Variants in JAKMIP1 observed in about 807,000 individuals in gnomAD.
JAKMIP1 encodes the protein janus kinase and microtubule-interacting protein 1.
JAKMIP1 carries 33 observed loss-of-function variants against 113.0 expected under a neutral mutation model. The ratio of observed to expected loss-of-function variants is 0.29; its 90% CI spans 0.22 to 0.39. The LOEUF (loss-of-function observed/expected upper bound fraction) is 0.39. Among genes scored for constraint, JAKMIP1 ranks in the 10% least tolerant of loss-of-function variants. JAKMIP1 has a pLI of 1.00. For missense variants in JAKMIP1, 813 were observed against 1,080.5 expected (o/e 0.75, Z 3.47); for synonymous variants, 480 against 459.9 (o/e 1.04, Z -0.56).
intron 8 of JAKMIP1, among the ~76,000 whole-genome samples, chr4:6,072,852 G>T (rs1719164271): frequency 1.3e-5 from 2 of 152,228 alleles, no homozygotes; most frequent in South Asian, 4.2e-4. Flanking sequence ...GCCGAGGCAG[G>T]CAGGTCACTT....
In JAKMIP1 at chr4:6,081,696, C is replaced by A; in HGVS notation, c.1014G>T (p.Arg338=). ...QLKPLVEKNK[R]MNKKNEDLLQ... ...ACAGATCCTCATTCTTCTTGTTCAT[C>A]CGCTTGTTCTTCTCCACCAGGGGCT... The change falls in exon 6 of 21, where the codon CGG becomes CGT. Residue 338 remains arginine, a synonymous_variant. Transcript: ENST00000409021. This position sits in a 1 kb window ranked among gnomAD's most constrained non-coding sequence, Gnocchi z 4.6. The A allele has an allele frequency of 1.9e-6, 3 of 1,614,178 alleles. No individual in the cohort carries two copies. The highest frequency in any genetic ancestry group is 2.5e-6 in the Non-Finnish European group (3 of 1,180,034).
intron 3 of JAKMIP1, among the ~76,000 whole-genome samples, chr4:6,091,292 G>A (rs1420322526): frequency 6.6e-6 from 1 of 152,224 alleles, no homozygotes; most frequent in Non-Finnish European, 1.5e-5. Context: ...CGGAGCCTTT[G>A]TGATACTGGA....
chr4:6,136,614 C>T lies in JAKMIP1; in HGVS notation c.-147-23617G>A, dbSNP rs190401808. Among the ~76,000 whole-genome samples, 19 of 152,248 alleles carry T rather than the reference C, an allele frequency of 1.2e-4. No individual in the cohort carries two copies. Among genetic ancestry groups the T allele is most frequent in the Admixed American group, 1.2e-3 (19 of 15,294 alleles). Reference sequence around the variant, plus strand: ...TGGCTCGTGTCACCTGCACCTTGCTCGACTATCCTTTTCTTGCCTACTTTT... The same window carrying T: ...TGGCTCGTGTCACCTGCACCTTGCTTGACTATCCTTTTCTTGCCTACTTTT... On this transcript the variant is annotated intron_variant, in intron 1 of 20. Coordinates refer to ENST00000409021, the MANE Select transcript of JAKMIP1 (RefSeq NM_001099433.2). The surrounding 1 kb of genome is among the most constrained non-coding windows in gnomAD (Gnocchi z 5.9).
intron 16 of JAKMIP1, 97 bp downstream of exon 16, chr4:6,048,760 A>T: frequency 9.9e-7 from 1 of 1,006,284 alleles, no homozygotes; most frequent in Non-Finnish European, 1.6e-6. Flanking sequence ...ACTGGAACGC[A>T]TGCTCCCACG....
intron 16 of JAKMIP1, among the ~76,000 whole-genome samples, chr4:6,045,932 G>A (rs1012789269): frequency 3.9e-5 from 6 of 152,134 alleles, no homozygotes; most frequent in Non-Finnish European, 5.9e-5. Context: ...TCGGATACCC[G>A]TATGGAATGA....
At chr4:6,033,377 G>C (rs927197895) in intron 19 of JAKMIP1, among the ~76,000 whole-genome samples, 1 of 152,222 alleles carries the variant, frequency 6.6e-6, no homozygotes, top group East Asian at 1.9e-4. Flanking sequence ...AGTGTCGCCC[G>C]TGTTGAATAC....
At chr4:6,075,593 G>A (rs1198371081) in intron 8 of JAKMIP1, among the ~76,000 whole-genome samples, 1 of 152,172 alleles carries the variant, frequency 6.6e-6, no homozygotes, top group Non-Finnish European at 1.5e-5. Flanking sequence ...CCCAAATTCG[G>A]CCTCCTAATG....
intron 1 of JAKMIP1, among the ~76,000 whole-genome samples, chr4:6,149,089 G>C (rs921514598): frequency 6.6e-6 from 1 of 152,210 alleles, no homozygotes; most frequent in Admixed American, 6.5e-5. Flanking sequence ...GGCCGGGTTT[G>C]CACTGACTTC....
Position 6,037,932 on chromosome 4 carries a change from A to T in JAKMIP1, c.2176-1825T>A, listed in dbSNP as rs867651198. 4.9e-4 allele frequency among the ~76,000 whole-genome samples: 60 copies of T among 121,818 alleles called. 1 individual carries two copies. Among genetic ancestry groups the T allele is most frequent in the African/African-American group, 2.0e-3 (58 of 28,766 alleles). The allele number at this position is 121,818 out of a possible 152,430, so 79.9% of individuals were successfully genotyped here. On this transcript the variant is annotated intron_variant, in intron 18 of 20. Transcript: ENST00000409021. ...AGAGGCTAACCGGTATCCCTCCATC[A>T]CTGAGTCAGAGGTTAACCCAGTAGC...
Position 6,036,073 on chromosome 4 carries a change from G to T in JAKMIP1, c.2210C>A (p.Ala737Glu). The part of the protein sequence containing the change: ...IQDLEATLYT[A>E]LQQEPGRRAG... ...CCTCCGCCCCGGCTCCTGCTGCAGCGCTGTGTACAGTGTGGCCTCCAGGTC... is the reference window on the plus strand; with the variant it reads ...CCTCCGCCCCGGCTCCTGCTGCAGCTCTGTGTACAGTGTGGCCTCCAGGTC... Residue 737 changes from alanine (A) to glutamate (E), a missense_variant, in exon 19 of 21, where the codon GCG (alanine) becomes GAG (glutamate). Ala to Glu is a moderately radical substitution (Grantham distance 107, BLOSUM62 -1). This residue lies in a region of JAKMIP1 where 273 missense variants were observed against 426.6 expected (regional missense o/e 0.64). Transcript: ENST00000409021. 1.3e-6 allele frequency: 2 copies of T among 1,558,522 alleles called. No individual in the cohort carries two copies. Among genetic ancestry groups the T allele is most frequent in the Non-Finnish European group, 1.7e-6 (2 of 1,150,832 alleles).
chr4:6,189,214 C>G (rs1435763469), intron 1 of JAKMIP1, among the ~76,000 whole-genome samples: 1 of 152,348 alleles, frequency 6.6e-6, no homozygotes, highest in East Asian at 1.9e-4. Flanking sequence ...GAACAGCATT[C>G]TAACATTTTT....
chr4:6,070,039 C>G (rs1382949658), intron 8 of JAKMIP1: 3 of 398,574 alleles, frequency 7.5e-6, no homozygotes, highest in African/African-American at 6.2e-5. Context: ...AACGCAAAAC[C>G]CCGAACCAGC....
In JAKMIP1 at chr4:6,029,774, C is replaced by T. The variant is rs373843338; in HGVS notation, c.2387G>A (p.Arg796Gln). Residue 796 changes from arginine to glutamine, a missense_variant, in exon 20 of 21, where the codon CGA (arginine) becomes CAA (glutamine). By Grantham distance (43) the Arg-to-Gln change is conservative. This residue lies in a region of JAKMIP1 where 273 missense variants were observed against 426.6 expected (regional missense o/e 0.64). Coordinates refer to ENST00000409021, the MANE Select transcript of JAKMIP1 (RefSeq NM_001099433.2). Reference sequence around the variant, plus strand: ...AAACTCCAGTTTGTCCTCCAGTTCTCGGATTCTCTGAAATACACCAGGTTA... The same window carrying T: ...AAACTCCAGTTTGTCCTCCAGTTCTTGGATTCTCTGAAATACACCAGGTTA... Reference protein sequence around the residue: ...ELLQQAQQRIRELEDKLEFQK... With the variant: ...ELLQQAQQRIQELEDKLEFQK... The T allele has an allele frequency of 4.6e-5, 74 of 1,602,356 alleles. No homozygotes were observed. The highest frequency in any genetic ancestry group is 1.7e-4 in the Middle Eastern group (1 of 6,046).
At chr4:6,026,865 CATTTTTT>C (rs760892766) in intron 20 of JAKMIP1, among the ~76,000 whole-genome samples, 5 of 87,962 alleles carry the variant, frequency 5.7e-5, no homozygotes, top group African/African-American at 4.8e-5. Flanking sequence ...AATTTCTTTG[CATTTTTT>C]TTTTTTTTTT....
In JAKMIP1 at chr4:6,103,750, T is replaced by C. The variant is rs145899503; in HGVS notation, c.624+1723A>G. 2.7e-3 allele frequency among the ~76,000 whole-genome samples: 406 copies of C among 152,364 alleles called. 2 individuals carry two copies. The highest frequency in any genetic ancestry group is 0.017 in the Middle Eastern group (5 of 294). On this transcript the variant is annotated intron_variant, in intron 3 of 20. Coordinates refer to ENST00000409021, the MANE Select transcript of JAKMIP1 (RefSeq NM_001099433.2). ...TGGTACATTGTGCTTATTCAAGGAA[T>C]ATGTTCATTTTATCGAGGTTTCAAG...
chr4:6,151,731 G>A (rs1721592048), intron 1 of JAKMIP1, among the ~76,000 whole-genome samples: 1 of 152,190 alleles, frequency 6.6e-6, no homozygotes, highest in African/African-American at 2.4e-5. Context: ...AGCCATTGAA[G>A]CTGGACGGCA....
rs1717791414 is a variant in JAKMIP1 at position 6,064,640 on chromosome 4, T to G, written c.1431+240A>C. Among the ~76,000 whole-genome samples, 1 of 151,978 alleles carries G rather than the reference T, an allele frequency of 6.6e-6. No individual in the cohort carries two copies. The highest frequency in any genetic ancestry group is 6.5e-5 in the Admixed American group (1 of 15,280). On this transcript the variant is annotated intron_variant, in intron 9 of 20. Transcript: ENST00000409021. This position sits in a 1 kb window ranked among gnomAD's most constrained non-coding sequence, Gnocchi z 4.3. ...GCCACAGATTTCCTTGGTGGGGAAA[T>G]CAGTGCTGGGGAAAGAAAGGGTCCC...
At chr4:6,083,128 C>A (rs570059844) in intron 5 of JAKMIP1, among the ~76,000 whole-genome samples, 1 of 152,010 alleles carries the variant, frequency 6.6e-6, no homozygotes, top group East Asian at 1.9e-4. Flanking sequence ...TGAGGCCAGG[C>A]GCGGTGGCTC....
At position 6,187,635 on chromosome 4, in the gene JAKMIP1, A is replaced by G. The variant is rs1035198698; in HGVS notation, c.-148+12618T>C. Among the ~76,000 whole-genome samples, 3 of 152,276 alleles carry G rather than the reference A, an allele frequency of 2.0e-5. No homozygotes were observed. The highest frequency in any genetic ancestry group is 4.4e-5 in the Non-Finnish European group (3 of 68,042). On this transcript the variant is annotated intron_variant, in intron 1 of 20. Transcript: ENST00000409021. The surrounding 1 kb of genome is among the most constrained non-coding windows in gnomAD (Gnocchi z 4.2). ...GTCAATGGGGAGGCAGGGCCTCACC[A>G]GACACTGAATCTGCCGGTACCTTGA...
Sources: allele counts gnomAD v4.1 joint callset (sites outside exome capture counted in the v4.1 genomes callset), GRCh38; gene constraint gnomAD v4.1.1; regional missense constraint gnomAD v4.1.1; non-coding constraint Gnocchi (gnomAD v3.1); transcripts MANE v1.5; gene names NCBI Gene and HGNC (gene_info 2026-07-23, HGNC 2026-07-21).